EFNA5: variants seen among roughly 807,000 people sequenced by gnomAD.
EFNA5 encodes the protein ephrin A5.
In EFNA5, 5 loss-of-function variants were observed where a neutral mutation model predicts 22.9. That is an observed-to-expected ratio of 0.22 (90% confidence interval 0.11 to 0.46). EFNA5 has a LOEUF of 0.46. EFNA5 is among the 20% of genes least tolerant of loss of function. EFNA5 has a pLI of 0.99. For synonymous variants in EFNA5, 113 were observed against 112.2 expected (o/e 1.01, Z -0.04); for missense variants, 237 against 293.3 (o/e 0.81, Z 1.40).
At chr5:107,547,563 C>A (rs889365769) in intron 1 of EFNA5, among the ~76,000 whole-genome samples, 1 of 151,774 alleles carries the variant, frequency 6.6e-6, no homozygotes, top group Non-Finnish European at 1.5e-5. Context: ...TTCATGAAAC[C>A]AATGCCTGTT....
intron 1 of EFNA5, among the ~76,000 whole-genome samples, chr5:107,513,600 C>T (rs1435158524): frequency 6.6e-6 from 1 of 152,090 alleles, no homozygotes; most frequent in African/African-American, 2.4e-5. Context: ...ACACCGACAC[C>T]CCACCGAAAT....
intron 1 of EFNA5, among the ~76,000 whole-genome samples, chr5:107,561,177 C>A (rs571071330): frequency 6.6e-6 from 1 of 152,126 alleles, no homozygotes; most frequent in Non-Finnish European, 1.5e-5. Context: ...TGAAACCTGC[C>A]TTTCCTGCTG....
intron 1 of EFNA5, among the ~76,000 whole-genome samples, chr5:107,550,839 A>G (rs1466297822): frequency 6.6e-6 from 1 of 152,176 alleles, no homozygotes; most frequent in Admixed American, 6.5e-5. Flanking sequence ...GGTAGACTAC[A>G]GTAGTATTCT....
chr5:107,429,357 A>C (rs1031363798), intron 1 of EFNA5, among the ~76,000 whole-genome samples: 6 of 152,212 alleles, frequency 3.9e-5, no homozygotes, highest in African/African-American at 1.4e-4. Flanking sequence ...GAGGCACAAG[A>C]ATGGCACGAA....
chr5:107,512,559 CTTTGTGCTGA>C (rs1000764892), intron 1 of EFNA5, among the ~76,000 whole-genome samples: 28 of 152,108 alleles, frequency 1.8e-4, no homozygotes, highest in Non-Finnish European at 8.8e-5. Flanking sequence ...AAGCTGAAGA[CTTTGTGCTGA>C]TTTCCAGTGA....
At chr5:107,456,036 T>C (rs1749691507) in intron 1 of EFNA5, among the ~76,000 whole-genome samples, 1 of 152,178 alleles carries the variant, frequency 6.6e-6, no homozygotes, top group Non-Finnish European at 1.5e-5. Context: ...CAGACATTAA[T>C]ACAATGTTAA....
chr5:107,457,446 T>C (rs1749724404), intron 1 of EFNA5, among the ~76,000 whole-genome samples: 1 of 152,200 alleles, frequency 6.6e-6, no homozygotes, highest in Non-Finnish European at 1.5e-5. Flanking sequence ...CACATTCTCC[T>C]GTATGCTTTA....
intron 1 of EFNA5, among the ~76,000 whole-genome samples, chr5:107,436,742 T>C (rs780084001): frequency 1.1e-4 from 17 of 152,086 alleles, no homozygotes; most frequent in Non-Finnish European, 1.0e-4. Flanking sequence ...ATCTAGCCAC[T>C]GTCCAAGGAG....
At chr5:107,426,316 A>G (rs940323912) in intron 2 of EFNA5, among the ~76,000 whole-genome samples, 3 of 152,224 alleles carry the variant, frequency 2.0e-5, no homozygotes, top group Non-Finnish European at 4.4e-5. Flanking sequence ...CAAGCTGCTT[A>G]AAGTAGCTAC....
intron 1 of EFNA5, among the ~76,000 whole-genome samples, chr5:107,492,844 C>A (rs949746885): frequency 6.6e-6 from 1 of 151,986 alleles, no homozygotes; most frequent in Non-Finnish European, 1.5e-5. Context: ...ACTAAAAATA[C>A]AAAAATTAGC....
At chr5:107,639,672 T>C (rs1750460191) in intron 1 of EFNA5, among the ~76,000 whole-genome samples, 1 of 152,184 alleles carries the variant, frequency 6.6e-6, no homozygotes, top group African/African-American at 2.4e-5. Flanking sequence ...GTAGTATTTT[T>C]TTTCTAATGG....
chr5:107,556,753 A>T (rs1288360748), intron 1 of EFNA5, among the ~76,000 whole-genome samples: 7 of 122,632 alleles, frequency 5.7e-5, no homozygotes, highest in Non-Finnish European at 1.0e-4. Flanking sequence ...TCTCAAAATA[A>T]AAATAAATAA....
intron 2 of EFNA5, among the ~76,000 whole-genome samples, chr5:107,406,267 C>A (rs949883905): frequency 5.3e-5 from 8 of 150,558 alleles, no homozygotes; most frequent in African/African-American, 2.0e-4. Context: ...GTGGTTTTTG[C>A]CATTACTTTT....
At chr5:107,462,119 G>GAC (rs1165712171) in intron 1 of EFNA5, among the ~76,000 whole-genome samples, 1 of 152,052 alleles carries the variant, frequency 6.6e-6, no homozygotes, top group Non-Finnish European at 1.5e-5. Context: ...CAGACGGACA[G>GAC]ACACACACAC....
In EFNA5 at chr5:107,387,292, C is replaced by T; in HGVS notation, c.508G>A (p.Val170Ile). 2 of 1,603,112 alleles carry T rather than the reference C, an allele frequency of 1.2e-6. No individual in the cohort carries two copies. The highest frequency in any genetic ancestry group is 1.7e-6 in the Non-Finnish European group (2 of 1,172,942). Residue 170 changes from valine to isoleucine, a missense_variant, in exon 4 of 5, where the codon GTT becomes ATT. This residue lies in a region of EFNA5 where 104 missense variants were observed against 114.5 expected (regional missense o/e 0.91). Coordinates refer to ENST00000333274, the MANE Select transcript of EFNA5 (RefSeq NM_001962.3). ...PTNSCMKTIGVHDRVFDVNDK... is the reference protein window; with the variant it reads ...PTNSCMKTIGIHDRVFDVNDK... ...TTAACATCGAAAACACGATCATGAACACCTATAGTTTTCATACAGCTATCT... is the reference window on the plus strand; with the variant it reads ...TTAACATCGAAAACACGATCATGAATACCTATAGTTTTCATACAGCTATCT...
rs533800654 is a variant in EFNA5 at position 107,478,288 on chromosome 5, T to C, written c.126-50779A>G. Among the ~76,000 whole-genome samples the C allele has an allele frequency of 2.0e-5, 3 of 152,274 alleles. No homozygotes were observed. The East Asian group carries it at 5.8e-4, about 29-fold the overall frequency. ...GTCATAAAGACCTAGGCGAGTAATATTCTCAGCATTATTCAGGAATGTTTA... is the reference window on the plus strand; with the variant it reads ...GTCATAAAGACCTAGGCGAGTAATACTCTCAGCATTATTCAGGAATGTTTA... On this transcript the variant is annotated intron_variant, in intron 1 of 4. Transcript: ENST00000333274.
intron 1 of EFNA5, among the ~76,000 whole-genome samples, chr5:107,555,298 A>C (rs942151287): frequency 6.6e-6 from 1 of 152,074 alleles, no homozygotes; most frequent in African/African-American, 2.4e-5. Flanking sequence ...ATCACCCATT[A>C]ATCTATTTGG....
At chr5:107,623,848 T>A (rs187940851) in intron 1 of EFNA5, among the ~76,000 whole-genome samples, 3 of 152,278 alleles carry the variant, frequency 2.0e-5, no homozygotes, top group Admixed American at 2.0e-4. Context: ...TAAAGACTTA[T>A]AGGATTTTAA....
intron 1 of EFNA5, among the ~76,000 whole-genome samples, chr5:107,584,350 T>C (rs1306291701): frequency 1.3e-5 from 2 of 152,194 alleles, no homozygotes; most frequent in African/African-American, 4.8e-5. Flanking sequence ...GCAAACTCAC[T>C]GAAGATGAAC....
Sources: gnomAD v4.1 joint callset for allele counts (sites outside exome capture counted in the v4.1 genomes callset) on GRCh38, gnomAD v4.1.1 for gene constraint, gnomAD v4.1.1 regional missense constraint, MANE v1.5 for transcripts, NCBI Gene and HGNC (gene_info 2026-07-23, HGNC 2026-07-21) for gene names.